SFSWAP: variants seen among roughly 807,000 people sequenced by gnomAD.
SFSWAP encodes splicing factor SWAP.
Under a neutral mutation model 100.7 loss-of-function variants are expected in SFSWAP, and 17 were observed. The observed-to-expected ratio is 0.17, with a 90% CI of 0.12 to 0.25. The LOEUF (loss-of-function observed/expected upper bound fraction) is 0.25. Among genes scored for constraint, SFSWAP ranks in the 10% least tolerant of loss-of-function variants. SFSWAP has a pLI of 1.00. For missense variants in SFSWAP, 1,005 were observed against 1,262.6 expected, an observed-to-expected ratio of 0.80 and a Z score of 3.09; for synonymous variants, 504 against 510.1, an observed-to-expected ratio of 0.99 and a Z score of 0.16.
chr12:131,754,213 C>T (rs374550893), intron 8 of SFSWAP, among the ~76,000 whole-genome samples, 155 bp from the exon 9 acceptor site: 18 of 152,174 alleles, frequency 1.2e-4, no homozygotes, highest in African/African-American at 3.4e-4. Context: ...TAGTTTCTGT[C>T]GTGTGCATCA....
intron 11 of SFSWAP, among the ~76,000 whole-genome samples, chr12:131,759,089 A>G (rs1260070843): frequency 6.6e-6 from 1 of 152,202 alleles, no homozygotes; most frequent in Admixed American, 6.5e-5. Context: ...AATTATAGGT[A>G]TCTTTTTAAG....
chr12:131,770,048 A>G (rs1883459429), intron 13 of SFSWAP, among the ~76,000 whole-genome samples: 1 of 152,262 alleles, frequency 6.6e-6, no homozygotes, highest in Non-Finnish European at 1.5e-5. Flanking sequence ...ATGATGATAA[A>G]TGTCTTTAAT....
intron 15 of SFSWAP, among the ~76,000 whole-genome samples, chr12:131,789,810 C>T (rs550468415): frequency 1.3e-5 from 2 of 152,166 alleles, no homozygotes; most frequent in Non-Finnish European, 2.9e-5. Flanking sequence ...GCTGCGTAGG[C>T]GACATTGCGT....
rs1039570564 is a variant in SFSWAP, at chr12:131,733,342, A to G, written c.1081+4914A>G. Among the ~76,000 whole-genome samples, 5 of 152,066 alleles carry G rather than the reference A, an allele frequency of 3.3e-5. No individual in the cohort carries two copies. The highest frequency in any genetic ancestry group is 7.4e-5 in the Non-Finnish European group (5 of 68,002). ...GCCAGGGGTGGATTGGCAGGCCTAT[A>G]AGGCGCCTTTCACATTGAGGGTCTT... On this transcript the variant is annotated intron_variant, in intron 7 of 17. Coordinates refer to ENST00000261674, the MANE Select transcript of SFSWAP (RefSeq NM_004592.4). The surrounding 1 kb of genome is among the most constrained non-coding windows in gnomAD (Gnocchi z 5.1).
At chr12:131,771,808 G>A (rs1203783701) in intron 13 of SFSWAP, among the ~76,000 whole-genome samples, 1 of 151,936 alleles carries the variant, frequency 6.6e-6, no homozygotes, top group Non-Finnish European at 1.5e-5. Flanking sequence ...GACTATAGGC[G>A]GGCGCCACCA....
intron 6 of SFSWAP, 39 bp from the exon 7 acceptor site, chr12:131,728,254 G>C (rs746570772): frequency 4.9e-5 from 79 of 1,612,472 alleles, no homozygotes; most frequent in Non-Finnish European, 6.1e-5. Flanking sequence ...GCATGGTTCA[G>C]AATATTGAAT....
intron 11 of SFSWAP, among the ~76,000 whole-genome samples, chr12:131,762,930 A>C (rs769113268): frequency 1.3e-5 from 2 of 152,030 alleles, no homozygotes; most frequent in East Asian, 3.8e-4. Context: ...AATCTCAAAC[A>C]TGTACGAAAA....
At chr12:131,720,205 G>T (rs1393650364) in intron 4 of SFSWAP, among the ~76,000 whole-genome samples, 7 of 152,136 alleles carry the variant, frequency 4.6e-5, no homozygotes, top group African/African-American at 1.4e-4. Context: ...TTCATTGAGG[G>T]ATTTCCCCAT....
In SFSWAP at chr12:131,734,070, G is replaced by A. The variant is rs945586724; in HGVS notation, c.1081+5642G>A. On this transcript the variant is annotated intron_variant, in intron 7 of 17. Coordinates refer to ENST00000261674, the MANE Select transcript of SFSWAP (RefSeq NM_004592.4). This position sits in a 1 kb window ranked among gnomAD's most constrained non-coding sequence, Gnocchi z 4.9. Reference sequence around the variant, plus strand: ...GTGAGTGCCCACCCTGTGGCACTGAGACCCAACAGCTCAGGTGACAGTGAC... The same window carrying A: ...GTGAGTGCCCACCCTGTGGCACTGAAACCCAACAGCTCAGGTGACAGTGAC... 2.0e-5 allele frequency among the ~76,000 whole-genome samples: 3 copies of A among 152,214 alleles called. No homozygotes were observed. Among genetic ancestry groups the A allele is most frequent in the Non-Finnish European group, 2.9e-5 (2 of 68,034 alleles).
At chr12:131,767,213 G>C (rs1013160559) in intron 13 of SFSWAP, among the ~76,000 whole-genome samples, 2 of 152,164 alleles carry the variant, frequency 1.3e-5, no homozygotes, top group South Asian at 4.1e-4. Context: ...ATGCGTGTCC[G>C]AGACCAGAGG....
At chr12:131,719,108 A>G (rs1385361743) in intron 3 of SFSWAP, among the ~76,000 whole-genome samples, 1 of 152,200 alleles carries the variant, frequency 6.6e-6, no homozygotes, top group Non-Finnish European at 1.5e-5. Context: ...ATGTGGGTTC[A>G]AATGGACCAA....
chr12:131,750,556 T>C (rs1267815815), intron 7 of SFSWAP, among the ~76,000 whole-genome samples: 2 of 152,246 alleles, frequency 1.3e-5, no homozygotes, highest in Non-Finnish European at 2.9e-5. Context: ...GTCAAGGGTG[T>C]GCCCAGAGCA....
rs901247387 is a variant in SFSWAP, at chr12:131,794,715, C to T, written c.2535-2463C>T. ...AGGAGCCTTCTGGAATGAAGGGACG[C>T]CCCTGCGTGGATAAGGCCCAGGTGT... is the stretch of plus-strand genomic sequence containing the variant. On this transcript the variant is annotated intron_variant, in intron 15 of 17. Coordinates refer to ENST00000261674, the MANE Select transcript of SFSWAP (RefSeq NM_004592.4). This position sits in a 1 kb window ranked among gnomAD's most constrained non-coding sequence, Gnocchi z 4.8. 1.3e-5 allele frequency among the ~76,000 whole-genome samples: 2 copies of T among 152,200 alleles called. No homozygotes were observed. The highest frequency in any genetic ancestry group is 4.8e-5 in the African/African-American group (2 of 41,460).
At chr12:131,780,998 G>A (rs550054202) in intron 14 of SFSWAP, among the ~76,000 whole-genome samples, 1 of 152,194 alleles carries the variant, frequency 6.6e-6, no homozygotes, top group Admixed American at 6.5e-5. Flanking sequence ...AGGTGATGCC[G>A]TGGCCCCCAG....
intron 11 of SFSWAP, among the ~76,000 whole-genome samples, chr12:131,758,846 G>T (rs1022766896): frequency 6.6e-6 from 1 of 152,166 alleles, no homozygotes; most frequent in South Asian, 2.1e-4. Context: ...CCTCACAGAG[G>T]CTGTGAAGTG....
chr12:131,776,341 A>C (rs577970766), intron 13 of SFSWAP, among the ~76,000 whole-genome samples: 1 of 152,252 alleles, frequency 6.6e-6, no homozygotes, highest in African/African-American at 2.4e-5. Context: ...ACCCACAACC[A>C]GGGAGGGGCA....
Position 131,711,225 on chromosome 12 carries a change from C to G in SFSWAP, c.-5C>G. On this transcript the variant is annotated 5_prime_UTR_variant, in exon 1 of 18. Transcript: ENST00000261674. This position sits in a 1 kb window ranked among gnomAD's most constrained non-coding sequence, Gnocchi z 4.9. ...AGGACCAGCCTGGACGCCGGGGACG[C>G]TGTCATGTACGGCGCGAGCGGGGGC... is the stretch of plus-strand genomic sequence containing the variant. The G allele has an allele frequency of 1.3e-6, 2 of 1,592,178 alleles. No homozygotes were observed. The highest frequency in any genetic ancestry group is 1.7e-6 in the Non-Finnish European group (2 of 1,171,488).
chr12:131,759,234 A>G (rs535809745), intron 11 of SFSWAP, among the ~76,000 whole-genome samples: 97 of 152,358 alleles, frequency 6.4e-4, no homozygotes, highest in Non-Finnish European at 1.1e-3. Flanking sequence ...AAATTATTTC[A>G]TGAAGAAATC....
At chr12:131,764,259 C>A (rs1882920336) in intron 11 of SFSWAP, among the ~76,000 whole-genome samples, 197 bp from the exon 12 acceptor site, 1 of 152,216 alleles carries the variant, frequency 6.6e-6, no homozygotes, top group Non-Finnish European at 1.5e-5. Flanking sequence ...CAGGGGCTCA[C>A]CCCAGCCCCA....
Sources: allele counts gnomAD v4.1 joint callset (sites outside exome capture counted in the v4.1 genomes callset), GRCh38; gene constraint gnomAD v4.1.1; non-coding constraint Gnocchi (gnomAD v3.1); transcripts MANE v1.5; gene names NCBI Gene and HGNC (gene_info 2026-07-23, HGNC 2026-07-21).